EGFLAM: variants seen among roughly 807,000 people sequenced by gnomAD.
EGFLAM encodes the protein pikachurin.
A neutral mutation model predicts 113.1 loss-of-function variants in EGFLAM; 79 were observed. The ratio of observed to expected loss-of-function variants is 0.70; its 90% CI spans 0.58 to 0.84. The LOEUF is 0.84. Ranked by LOEUF, EGFLAM falls within the 40% of genes least tolerant of loss-of-function variation. EGFLAM has a pLI of 0.00. For missense variants in EGFLAM, 1,265 were observed against 1,291.6 expected, an observed-to-expected ratio of 0.98 and a Z score of 0.32; for synonymous variants, 504 against 487.6, an observed-to-expected ratio of 1.03 and a Z score of -0.44.
In EGFLAM at chr5:38,385,279, C is replaced by A. The variant is rs1398810075; in HGVS notation, c.712+14817C>A. Among the ~76,000 whole-genome samples the A allele has an allele frequency of 2.8e-4, 10 of 35,190 alleles. No homozygotes were observed. In the South Asian group the frequency reaches 0.011, roughly 39 times the overall value. The allele number at this position is 35,190 out of a possible 152,430, so 23.1% of individuals were successfully genotyped here. A position where few individuals can be genotyped will look rare whatever the true frequency, so the allele number is the denominator to read the frequency against. On this transcript the variant is annotated intron_variant, in intron 6 of 21. Transcript: ENST00000322350. ...TGATTCAAGGACTGTTTCCCACCCA[C>A]CCCCCCCCCCCGCCCCCGCCACCGC...
chr5:38,302,236 C>CAAAA (rs35820077), intron 1 of EGFLAM, among the ~76,000 whole-genome samples: 1 of 100,782 alleles, frequency 9.9e-6, no homozygotes. Context: ...AAGTCCATCT[C>CAAAA]AAAAAAAAAA....
chr5:38,273,519 A>G (rs1757815492), intron 1 of EGFLAM, among the ~76,000 whole-genome samples: 1 of 152,264 alleles, frequency 6.6e-6, no homozygotes, highest in African/African-American at 2.4e-5. Context: ...ATTACACATC[A>G]GCACTGCAGC....
intron 7 of EGFLAM, 54 bp from the exon 8 acceptor site, chr5:38,406,774 T>C (rs1049486496): frequency 6.6e-7 from 1 of 1,521,342 alleles, no homozygotes; most frequent in Admixed American, 1.8e-5. Context: ...AATAAAACAG[T>C]CCAATTGCCA....
At chr5:38,400,193 G>A (rs1741070236) in intron 6 of EGFLAM, among the ~76,000 whole-genome samples, 2 of 152,126 alleles carry the variant, frequency 1.3e-5, no homozygotes, top group Non-Finnish European at 2.9e-5. Context: ...TATGACTACC[G>A]ATATTTCCAA....
At chr5:38,280,309 G>T (rs189900878) in intron 1 of EGFLAM, among the ~76,000 whole-genome samples, 1 of 152,166 alleles carries the variant, frequency 6.6e-6, no homozygotes, top group Admixed American at 6.5e-5. Flanking sequence ...GGTTTGCTAC[G>T]ATTGTCCTGC....
In EGFLAM at chr5:38,406,957, A is replaced by G; in HGVS notation, c.958A>G (p.Thr320Ala). The change falls in exon 8 of 22, where the codon ACG becomes GCG. Residue 320 changes from threonine to alanine, a missense_variant. Transcript: ENST00000322350. ...TACCTCAGCATCTCTCCCTGTGACC[A>G]CGGTGGCTCCCCAGCCCATTCCCAT... Reference protein sequence around the residue: ...PPTSASLPVTTVAPQPIPIQR... With the variant: ...PPTSASLPVTAVAPQPIPIQR... 6.2e-7 allele frequency: 1 copy of G among 1,614,152 alleles called. No individual in the cohort carries two copies. Among genetic ancestry groups the G allele is most frequent in the South Asian group, 1.1e-5 (1 of 91,076 alleles).
chr5:38,400,124 A>C (rs1741068482), intron 6 of EGFLAM: 1 of 152,194 alleles, frequency 6.6e-6, no homozygotes, highest in Admixed American at 6.5e-5. Context: ...CAGAGAGATG[A>C]AGTGGCCTGC....
chr5:38,461,080 T>G (rs1051915909), intron 20 of EGFLAM: 2 of 152,212 alleles, frequency 1.3e-5, no homozygotes, highest in African/African-American at 4.8e-5. Flanking sequence ...CCTCTACCAG[T>G]CTTTATAGAG....
chr5:38,415,883 T>C (rs7736008), intron 11 of EGFLAM, among the ~76,000 whole-genome samples: 49,532 of 151,742 alleles, frequency 0.33, 10,806 homozygotes, highest in African/African-American at 0.62. Context: ...GGAAAAGCCC[T>C]TTATAAAACT....
intron 1 of EGFLAM, among the ~76,000 whole-genome samples, chr5:38,315,095 T>A (rs1245433701): frequency 6.6e-6 from 1 of 152,202 alleles, no homozygotes. Context: ...AAAATCAACA[T>A]AGATACCAGC....
intron 6 of EGFLAM, among the ~76,000 whole-genome samples, chr5:38,392,628 T>TGGG (rs1017963877): frequency 2.7e-5 from 4 of 145,756 alleles, no homozygotes; most frequent in African/African-American, 1.1e-4. Context: ...TTCTTTTTTT[T>TGGG]TGGGGGGGCG....
intron 6 of EGFLAM, among the ~76,000 whole-genome samples, chr5:38,394,433 G>A (rs925055547): frequency 1.3e-5 from 2 of 151,028 alleles, no homozygotes; most frequent in Non-Finnish European, 2.9e-5. Flanking sequence ...TTAATGAGAC[G>A]GAGTCCCGCT....
intron 5 of EGFLAM, among the ~76,000 whole-genome samples, chr5:38,354,740 A>T (rs76946919): frequency 6.6e-6 from 1 of 152,184 alleles, no homozygotes; most frequent in African/African-American, 2.4e-5. Context: ...CCAAAAAAAA[A>T]TCCCAGTTTT....
chr5:38,344,143 C>T (rs556253244), intron 3 of EGFLAM, among the ~76,000 whole-genome samples: 1 of 152,288 alleles, frequency 6.6e-6, no homozygotes, highest in African/African-American at 2.4e-5. Context: ...GACTTCAGTT[C>T]GGAACAATTC....
At chr5:38,391,982 G>T (rs770879781) in intron 6 of EGFLAM, among the ~76,000 whole-genome samples, 10 of 152,062 alleles carry the variant, frequency 6.6e-5, no homozygotes, top group African/African-American at 2.4e-4. Context: ...AGGTTCAGAG[G>T]TACATGTGAA....
At chr5:38,305,736 C>T (rs894457472) in intron 1 of EGFLAM, 2 of 179,256 alleles carry the variant, frequency 1.1e-5, no homozygotes, top group African/African-American at 4.7e-5. Context: ...TTATATTATT[C>T]CAGGGAATCC....
At chr5:38,462,856 G>T (rs1241732983) in intron 20 of EGFLAM, 52 bp from the exon 21 acceptor site, 1 of 1,586,752 alleles carries the variant, frequency 6.3e-7, no homozygotes, top group South Asian at 1.1e-5. Flanking sequence ...ATGATTGAAT[G>T]AACTCCAAAA....
rs1743390240 is a variant in EGFLAM, at chr5:38,464,123, T to C, written c.*137T>C. On this transcript the variant is annotated 3_prime_UTR_variant, in exon 22 of 22. Transcript: ENST00000322350. ...TCACCAAGAAGAAAGTACACACTGA[T>C]GAGAAACTGAGAACCAAGACAGGCA... is the stretch of plus-strand genomic sequence containing the variant. The C allele has an allele frequency of 8.7e-7, 1 of 1,153,192 alleles. No individual in the cohort carries two copies. The highest frequency in any genetic ancestry group is 1.6e-5 in the African/African-American group (1 of 64,406). 71.4% of individuals were successfully genotyped at this position (1,153,192 alleles called of 1,614,324 possible). A position where few individuals can be genotyped will look rare whatever the true frequency, so the allele number is the denominator to read the frequency against.
chr5:38,431,314 G>C, intron 15 of EGFLAM, 26 bp downstream of exon 15: 1 of 1,604,276 alleles, frequency 6.2e-7, no homozygotes, highest in East Asian at 2.2e-5. Flanking sequence ...CTTTTCTCTT[G>C]ATGGTTAGTG....
Sources: gnomAD v4.1 joint callset for allele counts (sites outside exome capture counted in the v4.1 genomes callset) on GRCh38, gnomAD v4.1.1 for gene constraint, MANE v1.5 for transcripts, NCBI Gene and HGNC (gene_info 2026-07-23, HGNC 2026-07-21) for gene names.